The following ARHGAP20 variants were observed in gnomAD, a reference collection of about 807,000 sequenced individuals.
ARHGAP20 encodes the protein Rho GTPase activating protein 20, also known as rho GTPase-activating protein 20.
ARHGAP20 carries 34 observed loss-of-function variants against 73.7 expected under a neutral mutation model. The observed-to-expected ratio is 0.46, with a 90% confidence interval of 0.35 to 0.61. The LOEUF is 0.61. ARHGAP20 is among the 20% of genes least tolerant of loss of function. The probability of loss-of-function intolerance (pLI) is 0.00; values close to 1 mark genes in which losing one functional copy is unlikely to be tolerated. For synonymous variants in ARHGAP20, 523 were observed against 518.2 expected (o/e 1.01, Z -0.13); for missense variants, 1,314 against 1,420.9 (o/e 0.92, Z 1.21).
intron 1 of ARHGAP20, chr11:110,711,719 A>G (rs1950661926): frequency 7.1e-7 from 1 of 1,410,846 alleles, no homozygotes; most frequent in Non-Finnish European, 9.2e-7. Flanking sequence ...TGGGGCTGAC[A>G]CCGCCAAAGG....
intron 9 of ARHGAP20, 143 bp downstream of exon 9, chr11:110,606,418 T>C (rs994968882): frequency 3.3e-6 from 3 of 903,934 alleles, no homozygotes; most frequent in Non-Finnish European, 1.7e-6. Flanking sequence ...TATAAAACCA[T>C]CTTCTTCTAA....
intron 4 of ARHGAP20, among the ~76,000 whole-genome samples, chr11:110,616,254 A>G (rs1454085213): frequency 1.3e-5 from 2 of 152,226 alleles, no homozygotes; most frequent in Non-Finnish European, 2.9e-5. Context: ...TCCATTTGCA[A>G]CTAAATTAGT....
intron 9 of ARHGAP20, among the ~76,000 whole-genome samples, chr11:110,601,784 G>T (rs949205781): frequency 6.6e-6 from 1 of 152,092 alleles, no homozygotes; most frequent in African/African-American, 2.4e-5. Context: ...AGGAGTTCAA[G>T]ACCAGTCTGG....
chr11:110,660,344 G>C (rs1247693945), intron 2 of ARHGAP20, among the ~76,000 whole-genome samples: 1 of 152,110 alleles, frequency 6.6e-6, no homozygotes, highest in Non-Finnish European at 1.5e-5. Flanking sequence ...TGAGTCAAGA[G>C]ACCAGTCACT....
intron 1 of ARHGAP20, among the ~76,000 whole-genome samples, chr11:110,702,546 CAGG>C (rs1275123695): frequency 1.3e-5 from 2 of 152,022 alleles, no homozygotes; most frequent in Non-Finnish European, 2.9e-5. Flanking sequence ...GGCAATTAGG[CAGG>C]AGAAGGAAAT....
rs533243096 is a variant in ARHGAP20 at position 110,582,750 on chromosome 11, A to G, written c.1606-315T>C. 3.9e-5 allele frequency among the ~76,000 whole-genome samples: 6 copies of G among 152,372 alleles called. No homozygotes were observed. In the East Asian group the frequency reaches 1.2e-3, roughly 29 times the overall value. ...TAAAATTTATAAAGCATCATTAGAC[A>G]AAGACTTATAAAAACTATTTCTTGT... On this transcript the variant is annotated intron_variant, in intron 13 of 14. Coordinates refer to ENST00000683387, the MANE Select transcript of ARHGAP20 (RefSeq NM_001384657.1).
intron 8 of ARHGAP20, among the ~76,000 whole-genome samples, chr11:110,608,685 T>A (rs189001680): frequency 6.6e-6 from 1 of 152,274 alleles, no homozygotes; most frequent in East Asian, 1.9e-4. Flanking sequence ...TACCAACACA[T>A]ATTTCTTTCT....
intron 2 of ARHGAP20, among the ~76,000 whole-genome samples, chr11:110,671,711 A>C (rs1949831652): frequency 6.6e-6 from 1 of 152,152 alleles, no homozygotes; most frequent in Non-Finnish European, 1.5e-5. Context: ...ATGAAATAAA[A>C]AAGTCATAAT....
At chr11:110,683,419 T>C (rs1950073356) in intron 2 of ARHGAP20, among the ~76,000 whole-genome samples, 1 of 152,174 alleles carries the variant, frequency 6.6e-6, no homozygotes, top group African/African-American at 2.4e-5. Flanking sequence ...GTCTTATACA[T>C]TAAGGGAAGT....
chr11:110,656,458 T>C (rs1377999845), intron 2 of ARHGAP20, among the ~76,000 whole-genome samples: 3 of 152,132 alleles, frequency 2.0e-5, no homozygotes, highest in African/African-American at 4.8e-5. Context: ...ACCAAGAGGC[T>C]TTTCTGCCTC....
chr11:110,676,664 T>G (rs1949937177), intron 2 of ARHGAP20, among the ~76,000 whole-genome samples: 1 of 152,200 alleles, frequency 6.6e-6, no homozygotes, highest in African/African-American at 2.4e-5. Flanking sequence ...TTGATATCTC[T>G]GAATATAAAC....
chr11:110,639,409 A>G (rs965259450), intron 2 of ARHGAP20, among the ~76,000 whole-genome samples: 21 of 152,002 alleles, frequency 1.4e-4, no homozygotes, highest in African/African-American at 5.1e-4. Flanking sequence ...AAAACAAAGA[A>G]CTAGTATAAA....
intron 9 of ARHGAP20, among the ~76,000 whole-genome samples, chr11:110,597,165 G>A (rs1947987728): frequency 6.6e-6 from 1 of 150,934 alleles, no homozygotes; most frequent in African/African-American, 2.4e-5. Flanking sequence ...GGGAGGGAAA[G>A]CACTGGGAAA....
chr11:110,685,277 G>A (rs1312871729), intron 2 of ARHGAP20, among the ~76,000 whole-genome samples: 1 of 151,950 alleles, frequency 6.6e-6, no homozygotes, highest in Non-Finnish European at 1.5e-5. Flanking sequence ...TGTGCTCAGA[G>A]TCTTAACACA....
At chr11:110,633,290 C>G (rs1948895795) in intron 2 of ARHGAP20, among the ~76,000 whole-genome samples, 1 of 152,070 alleles carries the variant, frequency 6.6e-6, no homozygotes, top group Non-Finnish European at 1.5e-5. Context: ...CTTTAAATTC[C>G]CTTCCTCAAT....
chr11:110,615,422 G>T, intron 5 of ARHGAP20, 131 bp downstream of exon 5: 2 of 727,926 alleles, frequency 2.7e-6, no homozygotes, highest in African/African-American at 1.8e-5. Context: ...ATAAACGGCA[G>T]CTTATTTAGA....
At chr11:110,620,441 G>C (rs1478865472) in intron 4 of ARHGAP20, among the ~76,000 whole-genome samples, 1 of 152,152 alleles carries the variant, frequency 6.6e-6, no homozygotes, top group African/African-American at 2.4e-5. Flanking sequence ...ACCAGTCACT[G>C]TGTCTGGCTA....
At chr11:110,688,795 A>G (rs1950184633) in intron 2 of ARHGAP20, among the ~76,000 whole-genome samples, 2 of 152,280 alleles carry the variant, frequency 1.3e-5, no homozygotes, top group East Asian at 3.9e-4. Context: ...TTGATTAGGC[A>G]TCTATTAAAA....
chr11:110,636,422 A>G (rs761417016), intron 2 of ARHGAP20, among the ~76,000 whole-genome samples: 3 of 152,148 alleles, frequency 2.0e-5, no homozygotes, highest in Non-Finnish European at 4.4e-5. Flanking sequence ...GCCAAAGATT[A>G]ATTAGGCTAT....
Sources: gnomAD v4.1 joint callset for allele counts (sites outside exome capture counted in the v4.1 genomes callset) on GRCh38, gnomAD v4.1.1 for gene constraint, MANE v1.5 for transcripts, NCBI Gene and HGNC (gene_info 2026-07-23, HGNC 2026-07-21) for gene names.